SLC1A2: variants seen among roughly 807,000 people sequenced by gnomAD.
SLC1A2 encodes the protein excitatory amino acid transporter 2.
In SLC1A2, 15 loss-of-function variants were observed where a neutral mutation model predicts 48.8. That is an observed-to-expected ratio of 0.31 (90% CI 0.21 to 0.47). The LOEUF (loss-of-function observed/expected upper bound fraction) is 0.47. SLC1A2 is among the 20% of genes least tolerant of loss of function. The pLI is 0.99. For missense variants in SLC1A2, 502 were observed against 730.5 expected, an observed-to-expected ratio of 0.69 and a Z score of 3.61; for synonymous variants, 279 against 272.6, an observed-to-expected ratio of 1.02 and a Z score of -0.23.
At chr11:35,410,059 A>C (rs534047746) in intron 1 of SLC1A2, among the ~76,000 whole-genome samples, 1 of 152,242 alleles carries the variant, frequency 6.6e-6, no homozygotes, top group South Asian at 2.1e-4. Context: ...TTGGGGCCGG[A>C]GATAGTCTTT....
intron 1 of SLC1A2, chr11:35,322,726 A>G: frequency 9.6e-7 from 1 of 1,044,582 alleles, no homozygotes. Flanking sequence ...CCTCTCCCGT[A>G]AGACAGTTGT....
chr11:35,265,807 G>A (rs1254683034), intron 9 of SLC1A2, 49 bp from the exon 10 acceptor site: 5 of 1,171,276 alleles, frequency 4.3e-6, no homozygotes, highest in Non-Finnish European at 6.3e-6. Flanking sequence ...GTATTATGTG[G>A]TAGTTGAGAG....
chr11:35,261,862 G>T, intron 10 of SLC1A2: 1 of 396,900 alleles, frequency 2.5e-6, no homozygotes, highest in Non-Finnish European at 4.4e-6. Context: ...CATACAACAT[G>T]CTAGGAACAG....
rs79146713 is a variant in SLC1A2, at chr11:35,268,368, T to A, written c.1422-2610A>T. ...GATGACAGTTAAATTTATATCACAC[T>A]TACTATGTATAAGAATATAGTTTAT... On this transcript the variant is annotated intron_variant, in intron 9 of 10. Transcript: ENST00000278379. Among the ~76,000 whole-genome samples, 1,124 of 152,298 alleles carry A rather than the reference T, an allele frequency of 7.4e-3. 10 individuals are homozygous for A. The highest frequency in any genetic ancestry group is 0.016 in the South Asian group (76 of 4,828).
chr11:35,363,432 A>G (rs547749542), intron 1 of SLC1A2, among the ~76,000 whole-genome samples: 9 of 152,170 alleles, frequency 5.9e-5, no homozygotes, highest in Admixed American at 5.9e-4. Flanking sequence ...AGGTTTTGTA[A>G]CTTACAAAAT....
In SLC1A2 at chr11:35,366,693, G is replaced by A. The variant is rs149493950; in HGVS notation, c.18-49177C>T. On this transcript the variant is annotated intron_variant, in intron 1 of 10. Coordinates refer to ENST00000278379, the MANE Select transcript of SLC1A2 (RefSeq NM_004171.4). ...ATCTGTATGAGTTTGAAGCCGTGTT[G>A]TAAAATCTGCTCCTAGGAACCCAAA... Among the ~76,000 whole-genome samples the A allele has an allele frequency of 3.6e-3, 555 of 152,208 alleles. 8 individuals carry two copies. Among genetic ancestry groups the A allele is most frequent in the African/African-American group, 0.012 (508 of 41,520 alleles).
intron 1 of SLC1A2, among the ~76,000 whole-genome samples, chr11:35,356,037 A>T (rs1209961656): frequency 6.6e-6 from 1 of 152,198 alleles, no homozygotes; most frequent in African/African-American, 2.4e-5. Context: ...CAAACAAAAT[A>T]ATTATGTGAA....
At chr11:35,371,004 C>A in intron 1 of SLC1A2, 3 of 985,216 alleles carry the variant, frequency 3.0e-6, no homozygotes, top group African/African-American at 3.5e-5. Flanking sequence ...AGGGTGGCAT[C>A]TTCCTCTCTC....
At chr11:35,404,520 G>C (rs924085153) in intron 1 of SLC1A2, 5 of 152,228 alleles carry the variant, frequency 3.3e-5, no homozygotes, top group Non-Finnish European at 7.3e-5. Flanking sequence ...GTTACTCCAG[G>C]TCACTTGGAA....
intron 1 of SLC1A2, chr11:35,322,514 G>T: frequency 8.6e-7 from 1 of 1,166,054 alleles, no homozygotes. Flanking sequence ...AAAGCAACTG[G>T]TGTGTTTCTC....
intron 1 of SLC1A2, among the ~76,000 whole-genome samples, chr11:35,401,660 T>C (rs374785724): frequency 9.1e-4 from 139 of 152,298 alleles, no homozygotes; most frequent in African/African-American, 3.2e-3. Context: ...ACTATTTTTT[T>C]AATGTTTTAT....
intron 1 of SLC1A2, among the ~76,000 whole-genome samples, chr11:35,367,745 G>A (rs541761224): frequency 8.5e-5 from 13 of 152,234 alleles, no homozygotes; most frequent in Admixed American, 2.0e-4. Context: ...TTCAGCCTCT[G>A]CTATTTTTGC....
chr11:35,273,344 G>A (rs17378105), intron 9 of SLC1A2, among the ~76,000 whole-genome samples: 5 of 151,944 alleles, frequency 3.3e-5, no homozygotes, highest in Admixed American at 1.3e-4. Context: ...GGCTAAGAGC[G>A]TGAAGTCCGG....
At chr11:35,389,028 T>C (rs1183386475) in intron 1 of SLC1A2, among the ~76,000 whole-genome samples, 1 of 152,036 alleles carries the variant, frequency 6.6e-6, no homozygotes, top group Non-Finnish European at 1.5e-5. Flanking sequence ...AGAAGTCCAG[T>C]CCCCACCAGT....
intron 1 of SLC1A2, among the ~76,000 whole-genome samples, chr11:35,334,697 C>A (rs1852557336): frequency 6.6e-6 from 1 of 152,188 alleles, no homozygotes; most frequent in African/African-American, 2.4e-5. Flanking sequence ...GACTAGAGAG[C>A]AATGCTCAAA....
intron 1 of SLC1A2, among the ~76,000 whole-genome samples, chr11:35,321,675 A>C (rs558696371): frequency 1.3e-5 from 2 of 152,224 alleles, no homozygotes; most frequent in South Asian, 4.2e-4. Flanking sequence ...TACCAGGAAG[A>C]GGTGAGTTGG....
Position 35,389,440 on chromosome 11 carries a change from T to TCTCCTCCTTCTC in SLC1A2, c.17+29509_17+29510insGAGAAGGAGGAG, listed in dbSNP as rs1555020635. Among the ~76,000 whole-genome samples, 314 of 151,330 alleles carry TCTCCTCCTTCTC rather than the reference T, an allele frequency of 2.1e-3. 2 individuals carry two copies. Among genetic ancestry groups the TCTCCTCCTTCTC allele is most frequent in the African/African-American group, 7.5e-3 (310 of 41,134 alleles). On this transcript the variant is annotated intron_variant, in intron 1 of 10. Transcript: ENST00000278379. ...TTTTTAACTATTAGTATTTTCTTCT[T>TCTCCTCCTTCTC]CTTCTCCTTCTCCTTCTTCTTCTTC...
chr11:35,336,609 T>C (rs1300902942), intron 1 of SLC1A2, among the ~76,000 whole-genome samples: 10 of 152,166 alleles, frequency 6.6e-5, no homozygotes, highest in South Asian at 2.1e-4. Context: ...CCTCATTTTA[T>C]AGACAAGGAA....
intron 1 of SLC1A2, among the ~76,000 whole-genome samples, chr11:35,359,620 T>C (rs548710847): frequency 6.6e-6 from 1 of 152,366 alleles, no homozygotes; most frequent in South Asian, 2.1e-4. Flanking sequence ...AATAATTTGA[T>C]GTGGAAAGAT....
Sources: allele counts gnomAD v4.1 joint callset (sites outside exome capture counted in the v4.1 genomes callset), GRCh38; gene constraint gnomAD v4.1.1; transcripts MANE v1.5; gene names NCBI Gene and HGNC (gene_info 2026-07-23, HGNC 2026-07-21).